The following BNC2 variants were observed in gnomAD, a reference collection of about 807,000 sequenced individuals.
The protein encoded by BNC2 is basonuclin zinc finger protein 2.
In BNC2, 20 loss-of-function variants were observed where a neutral mutation model predicts 76.3. The ratio of observed to expected loss-of-function variants is 0.26; its 90% CI spans 0.18 to 0.38. BNC2 has a LOEUF of 0.38. Ranked by LOEUF, BNC2 falls within the 10% of genes least tolerant of loss-of-function variation. BNC2 has a pLI of 1.00. For synonymous variants in BNC2, 582 were observed against 514.8 expected, an observed-to-expected ratio of 1.13 and a Z score of -1.77; for missense variants, 1,382 against 1,399.8, an observed-to-expected ratio of 0.99 and a Z score of 0.20.
intron 5 of BNC2, among the ~76,000 whole-genome samples, chr9:16,439,562 G>A (rs1821085107): frequency 2.6e-5 from 4 of 152,118 alleles, no homozygotes; most frequent in Admixed American, 2.6e-4. Flanking sequence ...TTACACTAGG[G>A]GAAGCATGAT....
At chr9:16,723,448 A>G (rs1233068892) in intron 3 of BNC2, among the ~76,000 whole-genome samples, 2 of 151,944 alleles carry the variant, frequency 1.3e-5, no homozygotes, top group Admixed American at 1.3e-4. Flanking sequence ...GACTTGTAAT[A>G]CTATATATAT....
At chr9:16,843,196 G>C (rs1818877992) in intron 1 of BNC2, among the ~76,000 whole-genome samples, 1 of 152,104 alleles carries the variant, frequency 6.6e-6, no homozygotes, top group Non-Finnish European at 1.5e-5. Context: ...TTCAGTAGCA[G>C]AATCAGTATT....
chr9:16,771,357 T>A (rs898155518), intron 1 of BNC2, among the ~76,000 whole-genome samples: 20 of 152,154 alleles, frequency 1.3e-4, no homozygotes, highest in African/African-American at 4.6e-4. Context: ...AAATAATAAA[T>A]CTTTCAACAG....
At chr9:16,435,271 T>A (rs1418520534) in intron 6 of BNC2, among the ~76,000 whole-genome samples, 1 of 152,146 alleles carries the variant, frequency 6.6e-6, no homozygotes, top group African/African-American at 2.4e-5. Flanking sequence ...TATTCACACC[T>A]AGATGCATGA....
chr9:16,663,128 C>CTTTTTTT (rs1220327938), intron 3 of BNC2, among the ~76,000 whole-genome samples: 47 of 51,658 alleles, frequency 9.1e-4, no homozygotes, highest in African/African-American at 2.4e-3. Flanking sequence ...ACTCTGTTTA[C>CTTTTTTT]TCTTTTTTTT....
intron 3 of BNC2, among the ~76,000 whole-genome samples, chr9:16,607,894 G>A (rs1417055614): frequency 6.6e-6 from 1 of 152,078 alleles, no homozygotes; most frequent in Non-Finnish European, 1.5e-5. Flanking sequence ...ATTAATGTGT[G>A]AACACAGTTT....
chr9:16,863,735 C>G (rs528016094), intron 1 of BNC2, among the ~76,000 whole-genome samples: 59 of 152,210 alleles, frequency 3.9e-4, no homozygotes, highest in African/African-American at 1.4e-3. Flanking sequence ...GTTAAAAAGC[C>G]TTGCCTAAAA....
chr9:16,853,383 G>C (rs1305948386), intron 1 of BNC2, among the ~76,000 whole-genome samples: 2 of 148,592 alleles, frequency 1.3e-5, no homozygotes, highest in East Asian at 4.0e-4. Context: ...TCCAGCCTGA[G>C]TGATGAGAGT....
intron 5 of BNC2, among the ~76,000 whole-genome samples, chr9:16,544,342 A>G (rs1222081828): frequency 6.6e-6 from 1 of 152,172 alleles, no homozygotes; most frequent in African/African-American, 2.4e-5. Flanking sequence ...GATAATACCT[A>G]TTTCAAAGGC....
At chr9:16,602,561 C>A (rs774877968) in intron 3 of BNC2, among the ~76,000 whole-genome samples, 2 of 152,094 alleles carry the variant, frequency 1.3e-5, no homozygotes, top group African/African-American at 4.8e-5. Flanking sequence ...TGCCACATAC[C>A]CCCTCAGTGC....
At chr9:16,498,154 C>A (rs1029804513) in intron 5 of BNC2, among the ~76,000 whole-genome samples, 1 of 130,850 alleles carries the variant, frequency 7.6e-6, no homozygotes, top group Admixed American at 7.7e-5. Context: ...CATATATATT[C>A]CATCATATAT....
At position 16,418,173 on chromosome 9, in the gene BNC2, G is replaced by A. The variant is rs577250459; in HGVS notation, c.*816C>T. ...CCCCTTGTAGTGTATGAAAAAAAGT[G>A]CATGACGGGATTTATGTACTAGTAC... On this transcript the variant is annotated 3_prime_UTR_variant, in exon 7 of 7. Coordinates refer to ENST00000380672, the MANE Select transcript of BNC2 (RefSeq NM_017637.6). 1.3e-5 allele frequency: 2 copies of A among 152,764 alleles called. No homozygotes were observed. Among genetic ancestry groups the A allele is most frequent in the South Asian group, 2.1e-4 (1 of 4,834 alleles). 9.5% of individuals were successfully genotyped at this position (152,764 alleles called of 1,614,324 possible).
chr9:16,572,101 A>G (rs1471671873), intron 4 of BNC2, among the ~76,000 whole-genome samples: 2 of 152,134 alleles, frequency 1.3e-5, no homozygotes, highest in Non-Finnish European at 2.9e-5. Context: ...TTACCCTCAG[A>G]TTTTTGCAGG....
At chr9:16,852,198 A>G (rs927792207) in intron 1 of BNC2, among the ~76,000 whole-genome samples, 2 of 152,150 alleles carry the variant, frequency 1.3e-5, no homozygotes, top group African/African-American at 2.4e-5. Flanking sequence ...TGACAGCACA[A>G]TGTTCCCCTT....
chr9:16,485,097 C>G (rs1822134333), intron 5 of BNC2, among the ~76,000 whole-genome samples: 2 of 118,512 alleles, frequency 1.7e-5, no homozygotes, highest in Non-Finnish European at 3.3e-5. Flanking sequence ...CACACACACA[C>G]AGAGACACAC....
chr9:16,571,660 C>T (rs1819327215), intron 4 of BNC2, among the ~76,000 whole-genome samples: 1 of 152,112 alleles, frequency 6.6e-6, no homozygotes, highest in Admixed American at 6.6e-5. Context: ...GAGATAATAA[C>T]ACACATCTAT....
intron 4 of BNC2, among the ~76,000 whole-genome samples, chr9:16,565,220 C>G (rs1419954900): frequency 6.6e-6 from 1 of 152,148 alleles, no homozygotes; most frequent in East Asian, 1.9e-4. Context: ...CGTCCCCAGC[C>G]TCTTCACACA....
chr9:16,500,216 A>G (rs764298052), intron 5 of BNC2, among the ~76,000 whole-genome samples: 1 of 151,838 alleles, frequency 6.6e-6, no homozygotes, highest in Non-Finnish European at 1.5e-5. Flanking sequence ...AATCCTACCC[A>G]TCCACCAAAC....
intron 4 of BNC2, among the ~76,000 whole-genome samples, chr9:16,575,792 GGAGA>G (rs1819467432): frequency 6.6e-6 from 1 of 152,198 alleles, no homozygotes; most frequent in Admixed American, 6.5e-5. Context: ...CTTTGCTCAT[GGAGA>G]GACCAGAATC....
Sources: allele counts gnomAD v4.1 joint callset (sites outside exome capture counted in the v4.1 genomes callset), GRCh38; gene constraint gnomAD v4.1.1; transcripts MANE v1.5; gene names NCBI Gene and HGNC (gene_info 2026-07-23, HGNC 2026-07-21).